Variants in KCNH8 observed in about 807,000 individuals in gnomAD.
KCNH8 encodes voltage-gated delayed rectifier potassium channel KCNH8.
A neutral mutation model predicts 103.6 loss-of-function variants in KCNH8; 70 were observed. The observed-to-expected ratio is 0.68, with a 90% CI of 0.56 to 0.82. The LOEUF (loss-of-function observed/expected upper bound fraction) is 0.82, where lower values mean the gene tolerates loss of function less well. KCNH8 is among the 40% of genes least tolerant of loss of function. The pLI is 0.00. For synonymous variants in KCNH8, 498 were observed against 489.4 expected (o/e 1.02, Z -0.23); for missense variants, 1,217 against 1,329.9 (o/e 0.92, Z 1.32).
At chr3:19,396,965 G>A (rs759700223) in intron 7 of KCNH8, among the ~76,000 whole-genome samples, 7 of 151,764 alleles carry the variant, frequency 4.6e-5, no homozygotes, top group African/African-American at 1.7e-4. Context: ...TGTAAGTCTC[G>A]TCTGGTCTGA....
chr3:19,178,772 T>C (rs990185374), intron 1 of KCNH8, among the ~76,000 whole-genome samples: 1 of 152,144 alleles, frequency 6.6e-6, no homozygotes, highest in African/African-American at 2.4e-5. Context: ...GTAATATGGT[T>C]AGACTTTAAT....
intron 1 of KCNH8, among the ~76,000 whole-genome samples, chr3:19,156,987 A>ATTT (rs1559400834): frequency 6.8e-5 from 10 of 147,134 alleles, no homozygotes; most frequent in African/African-American, 2.4e-4. Context: ...TTTTTTAAAA[A>ATTT]AAAGGTTTTC....
chr3:19,304,377 A>G (rs970791851), intron 3 of KCNH8, among the ~76,000 whole-genome samples: 3 of 152,150 alleles, frequency 2.0e-5, no homozygotes, highest in Non-Finnish European at 2.9e-5. Flanking sequence ...TGGAAAAGGT[A>G]TAAAATCAAA....
chr3:19,360,983 A>T (rs1034859750), intron 5 of KCNH8, among the ~76,000 whole-genome samples: 3 of 152,096 alleles, frequency 2.0e-5, no homozygotes, highest in African/African-American at 7.2e-5. Context: ...AGAAATTGGG[A>T]AATAGCTAAC....
intron 3 of KCNH8, among the ~76,000 whole-genome samples, chr3:19,341,564 CAT>C (rs2065660000): frequency 6.6e-6 from 1 of 152,022 alleles, no homozygotes; most frequent in African/African-American, 2.4e-5. Context: ...TTTGGTGGCA[CAT>C]ATGATGAGAA....
intron 5 of KCNH8, among the ~76,000 whole-genome samples, chr3:19,381,693 A>AG (rs2066290140): frequency 6.6e-6 from 1 of 152,154 alleles, no homozygotes; most frequent in African/African-American, 2.4e-5. Context: ...AATTGCTAAA[A>AG]GGGAAAAAAA....
intron 11 of KCNH8, among the ~76,000 whole-genome samples, chr3:19,478,510 T>A (rs1009118295): frequency 1.3e-5 from 2 of 152,142 alleles, no homozygotes; most frequent in Admixed American, 6.6e-5. Context: ...GGTTTTAATT[T>A]GAAATGCACC....
intron 3 of KCNH8, among the ~76,000 whole-genome samples, chr3:19,327,282 A>G (rs952767776): frequency 6.6e-6 from 1 of 152,146 alleles, no homozygotes; most frequent in Non-Finnish European, 1.5e-5. Flanking sequence ...ATTGCTGGCC[A>G]TATTTACTTA....
chr3:19,440,871 TAACA>T (rs1417007124), intron 8 of KCNH8, among the ~76,000 whole-genome samples: 5 of 152,224 alleles, frequency 3.3e-5, no homozygotes, highest in African/African-American at 1.2e-4. Context: ...TTATTTCATA[TAACA>T]AACAGACAAT....
chr3:19,212,308 C>A (rs2063778880), intron 1 of KCNH8, among the ~76,000 whole-genome samples: 2 of 152,134 alleles, frequency 1.3e-5, no homozygotes, highest in Admixed American at 1.3e-4. Context: ...GGGTTTGAAA[C>A]CCAGACCCAC....
At chr3:19,294,824 C>G (rs1159349623) in intron 3 of KCNH8, among the ~76,000 whole-genome samples, 1 of 152,076 alleles carries the variant, frequency 6.6e-6, no homozygotes, top group African/African-American at 2.4e-5. Context: ...CATGCTTCAC[C>G]AAGTCATTCC....
Position 19,495,143 on chromosome 3 carries a change from G to A in KCNH8, c.2041-15220G>A, listed in dbSNP as rs149537773. Among the ~76,000 whole-genome samples, 351 of 152,154 alleles carry A rather than the reference G, an allele frequency of 2.3e-3. 1 individual carries two copies. Among genetic ancestry groups the A allele is most frequent in the African/African-American group, 7.8e-3 (325 of 41,500 alleles). On this transcript the variant is annotated intron_variant, in intron 11 of 15. Transcript: ENST00000328405. ...GTTTGCAAATATTTTCTCCCATTCC[G>A]TAGGTTGTCTTTTCACTCTGCTGAT...
At chr3:19,320,331 C>T (rs2065333238) in intron 3 of KCNH8, among the ~76,000 whole-genome samples, 1 of 151,900 alleles carries the variant, frequency 6.6e-6, no homozygotes, top group Non-Finnish European at 1.5e-5. Flanking sequence ...AAGGTATGAC[C>T]CTTCTGTGCT....
At chr3:19,321,275 G>T (rs541403556) in intron 3 of KCNH8, among the ~76,000 whole-genome samples, 189 of 152,034 alleles carry the variant, frequency 1.2e-3, no homozygotes, top group Non-Finnish European at 2.3e-3. Context: ...TGCGACCTTA[G>T]ATTGTCTATT....
At chr3:19,207,018 A>T (rs1344453375) in intron 1 of KCNH8, among the ~76,000 whole-genome samples, 1 of 152,084 alleles carries the variant, frequency 6.6e-6, no homozygotes, top group Non-Finnish European at 1.5e-5. Flanking sequence ...TCTGGCAGTC[A>T]GTGGAAAATG....
chr3:19,534,059 G>A lies in KCNH8; in HGVS notation c.3284G>A (p.Ser1095Asn). 6.2e-7 allele frequency: 1 copy of A among 1,614,102 alleles called. No homozygotes were observed. The change falls in exon 16 of 16, where the codon AGC (serine) becomes AAC (asparagine). Residue 1095 changes from serine (S) to asparagine (N), a missense_variant. Transcript: ENST00000328405. ...LENLPLEVVT[S>N]TAEVKDNKAI... ...AACCTTCCACTGGAAGTTGTCACAA[G>A]CACAGCAGAAGTGAAAGATAACAAA... is the stretch of plus-strand genomic sequence containing the variant.
intron 3 of KCNH8, among the ~76,000 whole-genome samples, chr3:19,320,211 G>A (rs1049716140): frequency 1.3e-5 from 2 of 152,018 alleles, no homozygotes; most frequent in African/African-American, 4.8e-5. Context: ...TATAAGTGGT[G>A]AAAGTGGGCA....
At chr3:19,294,298 C>G (rs973932948) in intron 3 of KCNH8, among the ~76,000 whole-genome samples, 6 of 152,124 alleles carry the variant, frequency 3.9e-5, no homozygotes, top group Non-Finnish European at 8.8e-5. Flanking sequence ...TTAATTAAAT[C>G]TACGGTGATT....
intron 1 of KCNH8, among the ~76,000 whole-genome samples, chr3:19,217,763 A>G (rs1340599017): frequency 1.3e-5 from 2 of 152,172 alleles, no homozygotes; most frequent in Admixed American, 1.3e-4. Context: ...GCCCATTTGT[A>G]CGGTCGCAGC....
Sources: allele counts gnomAD v4.1 joint callset (sites outside exome capture counted in the v4.1 genomes callset), GRCh38; gene constraint gnomAD v4.1.1; transcripts MANE v1.5; gene names NCBI Gene and HGNC (gene_info 2026-07-23, HGNC 2026-07-21).